The following ABCA12 variants were observed in gnomAD, a reference collection of about 807,000 sequenced individuals.
The protein encoded by ABCA12 is glucosylceramide transporter ABCA12.
In ABCA12, 156 loss-of-function variants were observed where a neutral mutation model predicts 293.5. The ratio of observed to expected loss-of-function variants is 0.53; its 90% CI spans 0.47 to 0.61. ABCA12 has a LOEUF of 0.61. Among genes scored for constraint, ABCA12 ranks in the 20% least tolerant of loss-of-function variants. ABCA12 has a pLI of 0.00. For synonymous variants in ABCA12, 1,063 were observed against 1,108.0 expected, an observed-to-expected ratio of 0.96 and a Z score of 0.81; for missense variants, 2,797 against 3,090.2, an observed-to-expected ratio of 0.91 and a Z score of 2.25.
At chr2:215,053,382 G>A (rs1490976165) in intron 4 of ABCA12, among the ~76,000 whole-genome samples, 2 of 152,062 alleles carry the variant, frequency 1.3e-5, no homozygotes, top group African/African-American at 4.8e-5. Context: ...CTTTATTTTT[G>A]TGCCCACAGG....
At chr2:215,041,299 A>C (rs969880402) in intron 7 of ABCA12, among the ~76,000 whole-genome samples, 3 of 152,230 alleles carry the variant, frequency 2.0e-5, no homozygotes, top group African/African-American at 7.2e-5. Flanking sequence ...CACGCCTGTA[A>C]TCCCAGCACT....
intron 4 of ABCA12, 103 bp downstream of exon 4, chr2:215,054,470 A>C: frequency 9.8e-7 from 1 of 1,018,350 alleles, no homozygotes; most frequent in African/African-American, 1.6e-5. Flanking sequence ...TATTCTAAGC[A>C]TTCCTTCTTT....
chr2:214,971,957 T>C (rs1029505735), intron 36 of ABCA12, among the ~76,000 whole-genome samples: 8 of 152,172 alleles, frequency 5.3e-5, no homozygotes, highest in Admixed American at 1.3e-4. Context: ...TTCTGGTGAG[T>C]GTGGAGTGGT....
chr2:214,969,022 C>G (rs969407861), intron 37 of ABCA12, among the ~76,000 whole-genome samples: 2 of 151,922 alleles, frequency 1.3e-5, no homozygotes, highest in Non-Finnish European at 2.9e-5. Context: ...GCAATAAGTC[C>G]TAAACAATTG....
chr2:215,064,435 T>C (rs1307642624), intron 2 of ABCA12, among the ~76,000 whole-genome samples: 1 of 151,974 alleles, frequency 6.6e-6, no homozygotes, highest in Non-Finnish European at 1.5e-5. Flanking sequence ...TGCTAATACG[T>C]ATAAAAACAT....
chr2:215,012,600 A>C (rs1230515262), intron 15 of ABCA12, among the ~76,000 whole-genome samples: 1 of 152,218 alleles, frequency 6.6e-6, no homozygotes, highest in East Asian at 1.9e-4. Context: ...ATCTACAGAG[A>C]CAGAAAATAG....
chr2:215,091,262 A>T (rs1217177553), intron 2 of ABCA12, among the ~76,000 whole-genome samples: 1 of 151,884 alleles, frequency 6.6e-6, no homozygotes, highest in Admixed American at 6.6e-5. Context: ...CCAGGTCCCA[A>T]TTCTTCCACA....
chr2:214,983,928 A>G, intron 28 of ABCA12, 63 bp from the exon 29 acceptor site: 2 of 1,425,200 alleles, frequency 1.4e-6, no homozygotes, highest in African/African-American at 1.4e-5. Context: ...ATTAGGAATA[A>G]CTATATCTCA....
chr2:215,043,145 A>C (rs553982323), intron 7 of ABCA12, among the ~76,000 whole-genome samples: 1 of 151,936 alleles, frequency 6.6e-6, no homozygotes, highest in African/African-American at 2.4e-5. Flanking sequence ...TATAGTTTTG[A>C]TTTTCATTTC....
At chr2:214,958,176 A>G in intron 41 of ABCA12, 101 bp downstream of exon 41, 1 of 1,474,238 alleles carries the variant, frequency 6.8e-7, no homozygotes, top group Non-Finnish European at 9.5e-7. Flanking sequence ...TTGTGATAAC[A>G]ATTTGAACAA....
intron 2 of ABCA12, among the ~76,000 whole-genome samples, chr2:215,100,013 TCTC>T (rs142340009): frequency 0.11 from 16,483 of 144,238 alleles, 1,050 homozygotes; most frequent in Admixed American, 0.18. Context: ...TCTCTCTCTC[TCTC>T]TTTTTTTTTT....
At chr2:214,984,048 A>T (rs1699730526) in intron 28 of ABCA12, among the ~76,000 whole-genome samples, 183 bp from the exon 29 acceptor site, 1 of 150,428 alleles carries the variant, frequency 6.6e-6, no homozygotes, top group African/African-American at 2.4e-5. Flanking sequence ...TTAATAATTC[A>T]GAGTATTACA....
chr2:215,128,779 A>G (rs1357215461), intron 1 of ABCA12, among the ~76,000 whole-genome samples: 1 of 151,972 alleles, frequency 6.6e-6, no homozygotes, highest in Non-Finnish European at 1.5e-5. Flanking sequence ...TAACTAACCT[A>G]CTGAATTCTT....
intron 36 of ABCA12, 38 bp from the exon 37 acceptor site, chr2:214,970,438 A>T (rs373373035): frequency 6.2e-7 from 1 of 1,610,908 alleles, no homozygotes; most frequent in South Asian, 1.1e-5. Flanking sequence ...TTTTCTGGCC[A>T]ATGCTGTGCA....
chr2:215,043,368 A>G (rs894643260), intron 7 of ABCA12, among the ~76,000 whole-genome samples: 1 of 152,142 alleles, frequency 6.6e-6, no homozygotes, highest in African/African-American at 2.4e-5. Flanking sequence ...ACTTGACAAC[A>G]TACTCTACTG....
chr2:214,968,520 C>T (rs1164298556), intron 38 of ABCA12, among the ~76,000 whole-genome samples, 200 bp downstream of exon 38: 1 of 152,042 alleles, frequency 6.6e-6, no homozygotes, highest in Non-Finnish European at 1.5e-5. Context: ...TATGTATACA[C>T]ATTTGTACGT....
In ABCA12 at chr2:215,075,733, T is replaced by G. The variant is rs1442501117; in HGVS notation, c.164-11514A>C. 5.2e-6 allele frequency: 3 copies of G among 581,362 alleles called. No homozygotes were observed. The African/African-American group carries it at 5.7e-5, about 11-fold the overall frequency. 36.0% of individuals were successfully genotyped at this position (581,362 alleles called of 1,614,324 possible). ...AAGTAATGAAATGGAGAAAACAAAT[T>G]TTAGTAATTACCCCAATAGAGGTAT... On this transcript the variant is annotated intron_variant, in intron 2 of 52. Transcript: ENST00000272895.
chr2:214,945,143 T>A, intron 48 of ABCA12, 39 bp from the exon 49 acceptor site: 1 of 1,501,038 alleles, frequency 6.7e-7, no homozygotes, highest in Non-Finnish European at 9.2e-7. Flanking sequence ...TCAAATTAAT[T>A]AATTTTTGAT....
At chr2:214,999,214 G>A (rs1271977966) in intron 22 of ABCA12, among the ~76,000 whole-genome samples, 1 of 152,128 alleles carries the variant, frequency 6.6e-6, no homozygotes, top group Admixed American at 6.5e-5. Flanking sequence ...GTACAGCCTT[G>A]AAGTGATTTC....
Sources: gnomAD v4.1 joint callset for allele counts (sites outside exome capture counted in the v4.1 genomes callset) on GRCh38, gnomAD v4.1.1 for gene constraint, MANE v1.5 for transcripts, NCBI Gene and HGNC (gene_info 2026-07-23, HGNC 2026-07-21) for gene names.